ALK: variants seen among roughly 807,000 people sequenced by gnomAD.
The protein encoded by ALK is ALK tyrosine kinase receptor.
ALK carries 74 observed loss-of-function variants against 163.1 expected under a neutral mutation model. That is an observed-to-expected ratio of 0.45 (90% confidence interval 0.38 to 0.55). The LOEUF is 0.55. ALK is among the 20% of genes least tolerant of loss of function. The pLI, the probability that ALK is intolerant of heterozygous loss-of-function variation, is 0.00. For synonymous variants in ALK, 960 were observed against 843.2 expected (o/e 1.14, Z -2.40); for missense variants, 2,063 against 2,105.3 (o/e 0.98, Z 0.39).
At chr2:29,204,775 A>G (rs1163078887) in intron 26 of ALK, among the ~76,000 whole-genome samples, 1 of 152,122 alleles carries the variant, frequency 6.6e-6, no homozygotes, top group Non-Finnish European at 1.5e-5. Flanking sequence ...TTTTTAGTAG[A>G]GATGTGTTTC....
intron 1 of ALK, among the ~76,000 whole-genome samples, chr2:29,853,966 G>A (rs1311294698): frequency 6.6e-6 from 1 of 150,928 alleles, no homozygotes; most frequent in East Asian, 2.0e-4. Context: ...CTGGAGTGCA[G>A]TGGCACGATC....
At chr2:29,451,718 G>C (rs1364679425) in intron 4 of ALK, among the ~76,000 whole-genome samples, 1 of 152,146 alleles carries the variant, frequency 6.6e-6, no homozygotes, top group Non-Finnish European at 1.5e-5. Flanking sequence ...AATATGAGCT[G>C]TCTGGTACTA....
intron 1 of ALK, among the ~76,000 whole-genome samples, chr2:29,803,964 T>A (rs1338180646): frequency 6.6e-6 from 1 of 152,098 alleles, no homozygotes; most frequent in African/African-American, 2.4e-5. Context: ...GGTAAATAGA[T>A]AAGTAAGATG....
rs572848791 is a variant in ALK, at chr2:29,556,258, G to A, written c.953-24142C>T. Reference sequence around the variant, plus strand: ...GTGATCTTACTGTAGGACAAGGCATGTAGCGTTTCTAAAGTGTCTATGAAA... The same window carrying A: ...GTGATCTTACTGTAGGACAAGGCATATAGCGTTTCTAAAGTGTCTATGAAA... On this transcript the variant is annotated intron_variant, in intron 3 of 28. Transcript: ENST00000389048. 1.4e-4 allele frequency among the ~76,000 whole-genome samples: 22 copies of A among 152,306 alleles called. No individual in the cohort carries two copies. In the East Asian group the frequency reaches 3.7e-3, roughly 25 times the overall value.
chr2:29,622,213 A>G (rs1676056077), intron 3 of ALK, among the ~76,000 whole-genome samples: 1 of 152,130 alleles, frequency 6.6e-6, no homozygotes, highest in Non-Finnish European at 1.5e-5. Flanking sequence ...AAACTTACCA[A>G]TCAACCAACC....
chr2:29,506,044 G>A (rs1483413170), intron 4 of ALK, among the ~76,000 whole-genome samples: 2 of 152,096 alleles, frequency 1.3e-5, no homozygotes, highest in African/African-American at 2.4e-5. Flanking sequence ...CACCTCACCC[G>A]ATGATCTTTA....
In ALK at chr2:29,331,534, C is replaced by G. The variant is rs139700408; in HGVS notation, c.1283-3053G>C. Among the ~76,000 whole-genome samples, 184 of 152,306 alleles carry G rather than the reference C, an allele frequency of 1.2e-3. 1 individual carries two copies. The highest frequency in any genetic ancestry group is 4.4e-3 in the African/African-American group (182 of 41,562). ...GATGTAAAATGTCAAATTCATTTTG[C>G]AGCTTTAATTTTGGGCATCAATTCT... On this transcript the variant is annotated intron_variant, in intron 5 of 28. Coordinates refer to ENST00000389048, the MANE Select transcript of ALK (RefSeq NM_004304.5).
At chr2:29,638,274 G>A (rs1055855325) in intron 3 of ALK, among the ~76,000 whole-genome samples, 1 of 152,222 alleles carries the variant, frequency 6.6e-6, no homozygotes, top group African/African-American at 2.4e-5. Flanking sequence ...TGAAGTCTGT[G>A]CCTAGGGGCA....
At chr2:29,429,007 G>C (rs1244352735) in intron 4 of ALK, among the ~76,000 whole-genome samples, 2 of 151,924 alleles carry the variant, frequency 1.3e-5, no homozygotes, top group African/African-American at 4.8e-5. Flanking sequence ...CAAAACCACA[G>C]CATCATCTCA....
At chr2:29,347,221 G>A (rs1296043367) in intron 5 of ALK, among the ~76,000 whole-genome samples, 2 of 152,130 alleles carry the variant, frequency 1.3e-5, no homozygotes, top group Non-Finnish European at 2.9e-5. Context: ...GCCAGTTCAG[G>A]GCTTCTCCTA....
intron 3 of ALK, among the ~76,000 whole-genome samples, chr2:29,569,174 A>G (rs1383817301): frequency 6.6e-6 from 1 of 151,850 alleles, no homozygotes; most frequent in Non-Finnish European, 1.5e-5. Context: ...AATTTATCCA[A>G]CCTGTGAGGC....
intron 1 of ALK, among the ~76,000 whole-genome samples, chr2:29,790,356 C>T (rs1381759061): frequency 6.6e-6 from 1 of 152,124 alleles, no homozygotes; most frequent in Non-Finnish European, 1.5e-5. Context: ...TCACAAGTGA[C>T]ATAGACTGGG....
chr2:29,833,430 C>T (rs1431433191), intron 1 of ALK, among the ~76,000 whole-genome samples: 1 of 152,238 alleles, frequency 6.6e-6, no homozygotes, highest in Non-Finnish European at 1.5e-5. Context: ...ATCTCTCATG[C>T]TCTACAGTGT....
chr2:29,756,902 C>G (rs1436861235), intron 1 of ALK, among the ~76,000 whole-genome samples: 2 of 152,220 alleles, frequency 1.3e-5, no homozygotes, highest in East Asian at 1.9e-4. Context: ...CACTAAGACT[C>G]TCACTCCAGG....
rs149531440 is a variant in ALK at position 29,683,525 on chromosome 2, G to A, written c.952+11325C>T. The stretch of plus-strand genomic sequence containing the variant: ...ACCTGACCACAACCTTTGCTATGCA[G>A]GTTAAAGGTCCTCACCAATCACTTA... On this transcript the variant is annotated intron_variant, in intron 3 of 28. Coordinates refer to ENST00000389048, the MANE Select transcript of ALK (RefSeq NM_004304.5). Among the ~76,000 whole-genome samples the A allele has an allele frequency of 8.0e-3, 1,223 of 152,288 alleles. 15 individuals carry two copies. Among genetic ancestry groups the A allele is most frequent in the South Asian group, 0.044 (214 of 4,830 alleles).
chr2:29,779,159 A>G (rs1433299073), intron 1 of ALK, among the ~76,000 whole-genome samples: 2 of 152,120 alleles, frequency 1.3e-5, no homozygotes, highest in Non-Finnish European at 2.9e-5. Context: ...CCGTCTAAAA[A>G]AAAAACAAAA....
intron 4 of ALK, among the ~76,000 whole-genome samples, chr2:29,504,338 A>G (rs10445906): frequency 0.27 from 41,613 of 151,978 alleles, 5,820 homozygotes; most frequent in East Asian, 0.36. Flanking sequence ...TCTGAGACCA[A>G]TGGGAAGCCA....
At chr2:29,602,922 A>G (rs1265367410) in intron 3 of ALK, among the ~76,000 whole-genome samples, 2 of 152,240 alleles carry the variant, frequency 1.3e-5, no homozygotes, top group Non-Finnish European at 2.9e-5. Flanking sequence ...CTTAGTTGGC[A>G]TACATATTAA....
chr2:29,403,349 G>A (rs528150908), intron 4 of ALK, among the ~76,000 whole-genome samples: 1 of 152,102 alleles, frequency 6.6e-6, no homozygotes, highest in African/African-American at 2.4e-5. Context: ...TCACCTACCA[G>A]AATATCAGGA....
Sources: allele counts gnomAD v4.1 joint callset (sites outside exome capture counted in the v4.1 genomes callset), GRCh38; gene constraint gnomAD v4.1.1; transcripts MANE v1.5; gene names NCBI Gene and HGNC (gene_info 2026-07-23, HGNC 2026-07-21).